NR4A3: variants seen among roughly 807,000 people sequenced by gnomAD.
NR4A3 encodes the protein nuclear receptor subfamily 4 group A member 3, also known as chondrosarcoma, extraskeletal myxoid, fused to EWS.
Under a neutral mutation model 55.6 loss-of-function variants are expected in NR4A3, and 13 were observed. That is an observed-to-expected ratio of 0.23 (90% CI 0.15 to 0.37). The LOEUF is 0.37. Ranked by LOEUF, NR4A3 falls within the 10% of genes least tolerant of loss-of-function variation. NR4A3 has a pLI of 1.00. For synonymous variants in NR4A3, 342 were observed against 357.9 expected (o/e 0.96, Z 0.50); for missense variants, 646 against 822.8 (o/e 0.79, Z 2.63).
At chr9:99,840,744 TC>T (rs1284016368) in intron 5 of NR4A3, among the ~76,000 whole-genome samples, 1 of 152,150 alleles carries the variant, frequency 6.6e-6, no homozygotes, top group Admixed American at 6.5e-5. Flanking sequence ...TGCTGCTTGG[TC>T]CAACACACTT....
At chr9:99,826,251 C>T (rs943700504) in intron 2 of NR4A3, among the ~76,000 whole-genome samples, 1 of 152,086 alleles carries the variant, frequency 6.6e-6, no homozygotes, top group African/African-American at 2.4e-5. Context: ...ATGATTGAAG[C>T]TCAGAGGGAA....
At chr9:99,860,637 T>G (rs1827995708) in intron 7 of NR4A3, among the ~76,000 whole-genome samples, 3 of 152,230 alleles carry the variant, frequency 2.0e-5, no homozygotes, top group Admixed American at 2.0e-4. Context: ...CTTCTGAGAC[T>G]GAAACATGGA....
Position 99,847,616 on chromosome 9 carries a change from G to A in NR4A3, c.1633+1G>A. On this transcript the variant is annotated splice_donor_variant, in intron 7 of 7. Transcript: ENST00000395097. LOFTEE classifies it high-confidence loss of function. ...CTGTCAGCACTGAGCATGATCACAG[G>A]TAAGCACCACCTTGCCAAAACCGCA... 1 of 1,613,388 alleles carries A rather than the reference G, an allele frequency of 6.2e-7. No homozygotes were observed. The highest frequency in any genetic ancestry group is 8.5e-7 in the Non-Finnish European group (1 of 1,179,608).
chr9:99,864,706 T>A lies in NR4A3; in HGVS notation c.*839T>A. 4.4e-6 allele frequency: 1 copy of A among 226,536 alleles called. No homozygotes were observed. The highest frequency in any genetic ancestry group is 8.8e-6 in the Non-Finnish European group (1 of 113,524). 14.0% of individuals were successfully genotyped at this position (226,536 alleles called of 1,614,324 possible). Reference sequence around the variant, plus strand: ...ACTGTCCAGCTATCCTGAAAGTGGATCAGATTATAAACTGGATTACATGTA... The same window carrying A: ...ACTGTCCAGCTATCCTGAAAGTGGAACAGATTATAAACTGGATTACATGTA... On this transcript the variant is annotated 3_prime_UTR_variant, in exon 8 of 8. Coordinates refer to ENST00000395097, the MANE Select transcript of NR4A3 (RefSeq NM_006981.4).
At position 99,822,965 on chromosome 9, in the gene NR4A3, G is replaced by A. The variant is rs1827211124; in HGVS notation, c.-177+558G>A. Among the ~76,000 whole-genome samples, 1 of 152,222 alleles carries A rather than the reference G, an allele frequency of 6.6e-6. No homozygotes were observed. The highest frequency in any genetic ancestry group is 2.1e-4 in the South Asian group (1 of 4,836). ...CCAGAGTTTGCAGACGCACTCGGAG[G>A]ACCTCAGGAAAGAGGGCGTAATTGT... On this transcript the variant is annotated intron_variant, in intron 1 of 7. Coordinates refer to ENST00000395097, the MANE Select transcript of NR4A3 (RefSeq NM_006981.4). The surrounding 1 kb of genome is among the most constrained non-coding windows in gnomAD (Gnocchi z 4.9).
intron 5 of NR4A3, among the ~76,000 whole-genome samples, chr9:99,837,184 C>T (rs898380754): frequency 5.3e-5 from 8 of 152,124 alleles, no homozygotes; most frequent in Non-Finnish European, 1.0e-4. Context: ...CTGACCATCA[C>T]ATATATTCTT....
intron 7 of NR4A3, among the ~76,000 whole-genome samples, chr9:99,849,741 A>T (rs1254963960): frequency 6.6e-6 from 1 of 152,254 alleles, no homozygotes; most frequent in African/African-American, 2.4e-5. Flanking sequence ...ACGAGTGTTG[A>T]GTCTAGTTAA....
At position 99,826,666 on chromosome 9, in the gene NR4A3, T is replaced by G; in HGVS notation, c.-3+834T>G. 3.1e-6 allele frequency: 3 copies of G among 952,872 alleles called. No homozygotes were observed. The South Asian group carries it at 4.2e-5, about 13-fold the overall frequency. 59.0% of individuals were successfully genotyped at this position (952,872 alleles called of 1,614,324 possible). A position where few individuals can be genotyped will look rare whatever the true frequency, so the allele number is the denominator to read the frequency against. ...GACTTCAAACTAGTGAGTGTATTTT[T>G]AAGGCCCTGCTTGTTAAAGAAAGGC... On this transcript the variant is annotated intron_variant, in intron 2 of 7. Transcript: ENST00000395097.
rs376537052 is a variant in NR4A3, at chr9:99,847,422, C to A, written c.1455-15C>A. ...AACAGACCTGTTTAATGTTTGTCTT[C>A]CTCTCACCTCCCAGGTCAAACACTG... On this transcript the variant is annotated splice_polypyrimidine_tract_variant and intron_variant, in intron 6 of 7. Coordinates refer to ENST00000395097, the MANE Select transcript of NR4A3 (RefSeq NM_006981.4). 3.7e-6 allele frequency: 6 copies of A among 1,612,370 alleles called. No homozygotes were observed. The African/African-American group carries it at 8.0e-5, about 22-fold the overall frequency.
rs2118515004 is a variant in NR4A3 at position 99,828,245 on chromosome 9, A to G, written c.203A>G (p.Asn68Ser). The G allele has an allele frequency of 1.9e-6, 3 of 1,607,780 alleles. No homozygotes were observed. Among genetic ancestry groups the G allele is most frequent in the Middle Eastern group, 1.7e-4 (1 of 6,060 alleles). Residue 68 changes from asparagine (N) to serine (S), a missense_variant, in exon 3 of 8, where the codon AAC becomes AGC. Physicochemically the swap from Asn to Ser is conservative, Grantham distance 46. Transcript: ENST00000395097. This position sits in a 1 kb window ranked among gnomAD's most constrained non-coding sequence, Gnocchi z 7.7. ...ISTFVEGYSSNYELKPSCVYQ... is the reference protein window; with the variant it reads ...ISTFVEGYSSSYELKPSCVYQ... ...ACCTTCGTGGAGGGCTACTCGAGCA[A>G]CTACGAACTCAAGCCTTCCTGCGTG...
chr9:99,856,078 C>T (rs1330624362), intron 7 of NR4A3, among the ~76,000 whole-genome samples: 1 of 152,134 alleles, frequency 6.6e-6, no homozygotes, highest in East Asian at 1.9e-4. Context: ...ACAATTTTTG[C>T]TTGGACTGGG....
At position 99,828,752 on chromosome 9, in the gene NR4A3, C is replaced by A. The variant is rs1198610030; in HGVS notation, c.710C>A (p.Ala237Glu). 4.8e-4 allele frequency: 646 copies of A among 1,351,808 alleles called. 1 individual carries two copies. The highest frequency in any genetic ancestry group is 5.9e-4 in the Non-Finnish European group (626 of 1,054,052). The allele number at this position is 1,351,808 out of a possible 1,614,324, so 83.7% of individuals were successfully genotyped here. ...GCCGCCGCGGGCAGCCAGGCCGCCG[C>A]GCTTGAGAGCCACCCGTACGGGCTG... ...AAAAAGSQAA[A>E]LESHPYGLPL... The change falls in exon 3 of 8, where the codon GCG becomes GAG. Residue 237 changes from alanine to glutamate, a missense_variant. This residue lies in a region of NR4A3 where 426 missense variants were observed against 429.4 expected (regional missense o/e 0.99). Transcript: ENST00000395097. This position sits in a 1 kb window ranked among gnomAD's most constrained non-coding sequence, Gnocchi z 7.7.
chr9:99,842,788 G>A (rs1419708105), intron 5 of NR4A3, among the ~76,000 whole-genome samples: 1 of 152,108 alleles, frequency 6.6e-6, no homozygotes. Flanking sequence ...GCTAGGAGGG[G>A]TAAAACTTGA....
At chr9:99,847,178 T>C (rs1394175899) in intron 6 of NR4A3, among the ~76,000 whole-genome samples, 1 of 152,176 alleles carries the variant, frequency 6.6e-6, no homozygotes, top group Non-Finnish European at 1.5e-5. Context: ...TTGATTCTAG[T>C]AATAAGATAG....
At chr9:99,861,870 C>T (rs1810214008) in intron 7 of NR4A3, among the ~76,000 whole-genome samples, 1 of 151,920 alleles carries the variant, frequency 6.6e-6, no homozygotes, top group South Asian at 2.1e-4. Flanking sequence ...GCAGGAGGAT[C>T]ACTTGAGCCC....
chr9:99,866,861 T>G lies in NR4A3; in HGVS notation c.*2994T>G, dbSNP rs1047959431. ...GCTCTTGTACATTAACAATGTAAAT[T>G]TAAATGATTAAATTACATTTTATCA... is the stretch of plus-strand genomic sequence containing the variant. On this transcript the variant is annotated 3_prime_UTR_variant, in exon 8 of 8. Coordinates refer to ENST00000395097, the MANE Select transcript of NR4A3 (RefSeq NM_006981.4). 5.1e-6 allele frequency: 1 copy of G among 195,002 alleles called. No individual in the cohort carries two copies. The highest frequency in any genetic ancestry group is 1.1e-5 in the Non-Finnish European group (1 of 93,482). The allele number at this position is 195,002 out of a possible 1,614,324, so 12.1% of individuals were successfully genotyped here. A position where few individuals can be genotyped will look rare whatever the true frequency, so the allele number is the denominator to read the frequency against.
rs1393034086 is a variant in NR4A3, at chr9:99,841,227, C to G, written c.1255-3422C>G. Reference sequence around the variant, plus strand: ...GCCTGGCAACAGAGCAAGACTCTGTCTCCGAAAAAAAAAAAAAAAAGGAGG... The same window carrying G: ...GCCTGGCAACAGAGCAAGACTCTGTGTCCGAAAAAAAAAAAAAAAAGGAGG... On this transcript the variant is annotated intron_variant, in intron 5 of 7. Coordinates refer to ENST00000395097, the MANE Select transcript of NR4A3 (RefSeq NM_006981.4). Among the ~76,000 whole-genome samples the G allele has an allele frequency of 4.1e-5, 5 of 122,804 alleles. No homozygotes were observed. The East Asian group carries it at 1.0e-3, about 25-fold the overall frequency. 80.6% of individuals were successfully genotyped at this position (122,804 alleles called of 152,430 possible).
chr9:99,829,025 C>A (rs1827384758), intron 3 of NR4A3, 32 bp downstream of exon 3: 1 of 1,308,726 alleles, frequency 7.6e-7, no homozygotes, highest in Non-Finnish European at 9.7e-7. Flanking sequence ...CCCTCCGCAC[C>A]CAGCCCCCTC....
In NR4A3 at chr9:99,864,571, C is replaced by T. The variant is rs1439596199; in HGVS notation, c.*704C>T. 19 of 227,668 alleles carry T rather than the reference C, an allele frequency of 8.3e-5. No homozygotes were observed. Among genetic ancestry groups the T allele is most frequent in the East Asian group, 1.3e-4 (2 of 15,782 alleles). 14.1% of individuals were successfully genotyped at this position (227,668 alleles called of 1,614,324 possible). A position where few individuals can be genotyped will look rare whatever the true frequency, so the allele number is the denominator to read the frequency against. On this transcript the variant is annotated 3_prime_UTR_variant, in exon 8 of 8. Transcript: ENST00000395097. ...GAGGCAGTCATGTTAGCAAATGACA[C>T]GTTAATATCCCTAGCAGAGGCTGTG...
Sources: gnomAD v4.1 joint callset for allele counts (sites outside exome capture counted in the v4.1 genomes callset) on GRCh38, gnomAD v4.1.1 for gene constraint, gnomAD v4.1.1 regional missense constraint, Gnocchi (gnomAD v3.1) non-coding constraint, MANE v1.5 for transcripts, NCBI Gene and HGNC (gene_info 2026-07-23, HGNC 2026-07-21) for gene names.